The following RNGTT variants were observed in gnomAD, a reference collection of about 807,000 sequenced individuals.
The protein encoded by RNGTT is mRNA-capping enzyme.
In RNGTT, 33 loss-of-function variants were observed where a neutral mutation model predicts 79.3. The observed-to-expected ratio is 0.42, with a 90% CI of 0.32 to 0.56. The LOEUF (loss-of-function observed/expected upper bound fraction) is 0.56, where lower values mean the gene tolerates loss of function less well. Among genes scored for constraint, RNGTT ranks in the 20% least tolerant of loss-of-function variants. RNGTT has a pLI of 0.17. For missense variants in RNGTT, 497 were observed against 739.1 expected (o/e 0.67, Z 3.80); for synonymous variants, 222 against 235.9 (o/e 0.94, Z 0.54).
chr6:88,939,990 T>G (rs923592777), intron 2 of RNGTT, among the ~76,000 whole-genome samples: 3 of 150,456 alleles, frequency 2.0e-5, no homozygotes, highest in African/African-American at 7.5e-5. Flanking sequence ...ACTCCTGGCC[T>G]CAAGCAATCC....
intron 13 of RNGTT, among the ~76,000 whole-genome samples, chr6:88,688,630 C>T (rs1487252386): frequency 6.6e-6 from 1 of 152,152 alleles, no homozygotes; most frequent in African/African-American, 2.4e-5. Flanking sequence ...GTCAAAAAGA[C>T]ACAGAAGCCA....
At chr6:88,877,853 G>A (rs1267126653) in intron 8 of RNGTT, among the ~76,000 whole-genome samples, 1 of 152,114 alleles carries the variant, frequency 6.6e-6, no homozygotes, top group Non-Finnish European at 1.5e-5. Context: ...GTCCCATCCA[G>A]TTGCAAGGAA....
chr6:88,948,465 G>T, intron 1 of RNGTT, among the ~76,000 whole-genome samples: 1 of 134,844 alleles, frequency 7.4e-6, no homozygotes, highest in Non-Finnish European at 1.6e-5. Flanking sequence ...TGCCCGGCCA[G>T]CCGCCCCGTC....
At chr6:88,854,990 A>G (rs1781797027) in intron 8 of RNGTT, among the ~76,000 whole-genome samples, 1 of 152,220 alleles carries the variant, frequency 6.6e-6, no homozygotes, top group Admixed American at 6.5e-5. Context: ...ATAGCAAAAA[A>G]GATTAGAAAG....
At chr6:88,620,767 G>A (rs1001898808) in intron 14 of RNGTT, among the ~76,000 whole-genome samples, 1 of 152,178 alleles carries the variant, frequency 6.6e-6, no homozygotes, top group Admixed American at 6.5e-5. Context: ...CATTTTTAGG[G>A]AAAGACAGTG....
chr6:88,739,730 TATATATATATATATATATATATATATATA>T (rs1777410540), intron 13 of RNGTT, among the ~76,000 whole-genome samples: 1 of 12,522 alleles, frequency 8.0e-5, no homozygotes, highest in African/African-American at 2.5e-4. Context: ...AAAAATTATA[TATATATATATATATATATATATATATATA>T]TATATATATA....
At chr6:88,617,965 T>C (rs1772295895) in intron 14 of RNGTT, among the ~76,000 whole-genome samples, 1 of 152,216 alleles carries the variant, frequency 6.6e-6, no homozygotes, top group East Asian at 1.9e-4. Flanking sequence ...TTATCATATG[T>C]ACTTTACAAG....
At chr6:88,658,361 T>C (rs1220678137) in intron 14 of RNGTT, among the ~76,000 whole-genome samples, 1 of 152,188 alleles carries the variant, frequency 6.6e-6, no homozygotes, top group Non-Finnish European at 1.5e-5. Context: ...CCCTGTCACC[T>C]TCACCGGGGC....
chr6:88,918,410 C>A (rs1451340918), intron 4 of RNGTT, among the ~76,000 whole-genome samples: 1 of 151,796 alleles, frequency 6.6e-6, no homozygotes, highest in African/African-American at 2.4e-5. Flanking sequence ...AGTATAGATT[C>A]TTTTAAAAAG....
chr6:88,841,996 C>T (rs1781309346), intron 11 of RNGTT, among the ~76,000 whole-genome samples: 1 of 152,206 alleles, frequency 6.6e-6, no homozygotes, highest in South Asian at 2.1e-4. Context: ...GAGAGCAGAG[C>T]TTTATGACTG....
intron 1 of RNGTT, 79 bp downstream of exon 1, chr6:88,963,267 C>G: frequency 6.8e-7 from 1 of 1,469,596 alleles, no homozygotes; most frequent in South Asian, 1.1e-5. Context: ...ACAGAACCAC[C>G]AAAAGCTGAG....
intron 1 of RNGTT, among the ~76,000 whole-genome samples, chr6:88,957,579 C>T (rs963266915): frequency 6.6e-6 from 1 of 152,066 alleles, no homozygotes; most frequent in South Asian, 2.1e-4. Flanking sequence ...CCAACAATGG[C>T]CAAGCTGAGA....
chr6:88,657,599 C>T, intron 14 of RNGTT, among the ~76,000 whole-genome samples: 1 of 152,048 alleles, frequency 6.6e-6, no homozygotes, highest in East Asian at 1.9e-4. Flanking sequence ...ATGGTGCAGG[C>T]AGGTGGGAAG....
At chr6:88,835,532 C>G (rs1165626924) in intron 11 of RNGTT, among the ~76,000 whole-genome samples, 2 of 152,192 alleles carry the variant, frequency 1.3e-5, no homozygotes, top group African/African-American at 4.8e-5. Context: ...GAAATGTTAT[C>G]ACTCCACAAA....
chr6:88,761,797 T>C lies in RNGTT; in HGVS notation c.1439+7977A>G, dbSNP rs562215996. Among the ~76,000 whole-genome samples the C allele has an allele frequency of 3.3e-5, 5 of 152,168 alleles. No homozygotes were observed. In the East Asian group the frequency reaches 5.9e-4, roughly 18 times the overall value. The stretch of plus-strand genomic sequence containing the variant: ...AAAATATTGACTATCTGGCCTTTCA[T>C]AGAAAAAAAGTGCTGACCCTTGCTG... On this transcript the variant is annotated intron_variant, in intron 13 of 15. Coordinates refer to ENST00000369485, the MANE Select transcript of RNGTT (RefSeq NM_003800.5).
chr6:88,961,323 ATG>A (rs537499568), intron 1 of RNGTT, among the ~76,000 whole-genome samples: 25 of 151,696 alleles, frequency 1.6e-4, no homozygotes, highest in East Asian at 3.9e-4. Flanking sequence ...TTACGTCTGT[ATG>A]TGTGTGTGTG....
intron 11 of RNGTT, among the ~76,000 whole-genome samples, chr6:88,820,050 A>C (rs1399213967): frequency 2.0e-5 from 3 of 152,170 alleles, no homozygotes; most frequent in African/African-American, 7.2e-5. Flanking sequence ...ACAGTGTTTT[A>C]GACTTGGAAA....
chr6:88,949,159 G>GAAAAAAAAAAAAAAAAAAAAAAAAAAGA, intron 1 of RNGTT, among the ~76,000 whole-genome samples: 2 of 50,516 alleles, frequency 4.0e-5, no homozygotes, highest in African/African-American at 1.6e-4. Context: ...AAAATAAAAT[G>GAAAAAAAAAAAAAAAAAAAAAAAAAAGA]AAAAAAAAAA....
chr6:88,796,221 CT>C (rs900140745), intron 12 of RNGTT, among the ~76,000 whole-genome samples: 9 of 152,014 alleles, frequency 5.9e-5, no homozygotes, highest in South Asian at 2.1e-4. Flanking sequence ...AATTTTACCA[CT>C]TTTTTTCTTA....
Sources: gnomAD v4.1 joint callset for allele counts (sites outside exome capture counted in the v4.1 genomes callset) on GRCh38, gnomAD v4.1.1 for gene constraint, MANE v1.5 for transcripts, NCBI Gene and HGNC (gene_info 2026-07-23, HGNC 2026-07-21) for gene names.